The following ANKHD1 variants were observed in gnomAD, a reference collection of about 807,000 sequenced individuals.
The protein encoded by ANKHD1 is ankyrin repeat and KH domain-containing protein 1.
A neutral mutation model predicts 230.5 loss-of-function variants in ANKHD1; 31 were observed. The observed-to-expected ratio is 0.13, with a 90% CI of 0.10 to 0.18. The LOEUF (loss-of-function observed/expected upper bound fraction) is 0.18, where lower values mean the gene tolerates loss of function less well. ANKHD1 is among the 10% of genes least tolerant of loss of function. The pLI is 1.00. For missense variants in ANKHD1, 2,256 were observed against 3,071.3 expected (o/e 0.73, Z 6.27); for synonymous variants, 1,074 against 1,117.6 (o/e 0.96, Z 0.78).
chr5:140,413,883 T>G (rs6862439), intron 1 of ANKHD1, among the ~76,000 whole-genome samples: 8 of 152,100 alleles, frequency 5.3e-5, no homozygotes, highest in African/African-American at 1.4e-4. Flanking sequence ...TGGGTTCAAG[T>G]GATTCTCCTG....
intron 6 of ANKHD1, among the ~76,000 whole-genome samples, chr5:140,446,505 C>T (rs1040677991): frequency 1.3e-5 from 2 of 152,006 alleles, no homozygotes; most frequent in African/African-American, 4.8e-5. Context: ...GGACTACAGG[C>T]ATGCACCACC....
chr5:140,500,021 A>G (rs1160302196), intron 15 of ANKHD1, among the ~76,000 whole-genome samples: 1 of 152,034 alleles, frequency 6.6e-6, no homozygotes, highest in African/African-American at 2.4e-5. Flanking sequence ...GGCACCTGCC[A>G]CCACACCCAG....
intron 7 of ANKHD1, among the ~76,000 whole-genome samples, chr5:140,456,041 A>G (rs916124182): frequency 5.9e-5 from 9 of 152,226 alleles, no homozygotes; most frequent in South Asian, 2.1e-4. Flanking sequence ...TCAATGTGCA[A>G]AAATCACAAG....
chr5:140,476,813 C>G (rs976156773), intron 10 of ANKHD1, among the ~76,000 whole-genome samples: 1 of 151,940 alleles, frequency 6.6e-6, no homozygotes, highest in Non-Finnish European at 1.5e-5. Flanking sequence ...AGTTTAAAAA[C>G]CTAAATTTTA....
intron 9 of ANKHD1, 80 bp from the exon 10 acceptor site, chr5:140,464,587 G>A (rs1368804122): frequency 4.9e-6 from 6 of 1,229,296 alleles, no homozygotes; most frequent in Non-Finnish European, 6.5e-6. Context: ...GAATTCTTCA[G>A]TTTCACCAGA....
chr5:140,427,677 C>T (rs1260218058), intron 1 of ANKHD1, among the ~76,000 whole-genome samples: 4 of 144,992 alleles, frequency 2.8e-5, no homozygotes, highest in Admixed American at 6.8e-5. Flanking sequence ...CCGGACGGGG[C>T]GGCCGGCCAG....
rs548021547 is a variant in ANKHD1, at chr5:140,453,305, G to T, written c.1242+4000G>T. Among the ~76,000 whole-genome samples, 385 of 152,310 alleles carry T rather than the reference G, an allele frequency of 2.5e-3. 2 individuals are homozygous for T. Among genetic ancestry groups the T allele is most frequent in the Non-Finnish European group, 3.0e-3 (202 of 68,032 alleles). ...ATACACTCTGCAGGATGTTATCCAG[G>T]AGAACCTCCCCAACCTAGCAAGGCA... On this transcript the variant is annotated intron_variant, in intron 7 of 33. Coordinates refer to ENST00000360839, the MANE Select transcript of ANKHD1 (RefSeq NM_017747.3).
At chr5:140,532,205 T>TAAA (rs78497065) in intron 29 of ANKHD1, among the ~76,000 whole-genome samples, 2 of 126,652 alleles carry the variant, frequency 1.6e-5, no homozygotes, top group African/African-American at 2.9e-5. Context: ...GACTCTGTCT[T>TAAA]AAAAAAAAAA....
In ANKHD1 at chr5:140,442,507, C is replaced by T. The variant is rs369209227; in HGVS notation, c.913+1365C>T. The stretch of plus-strand genomic sequence containing the variant: ...ATAGGAGTGTGCAGCCTAAATCCCT[C>T]GCCCGTCATTTATTTGAACTGAGCA... On this transcript the variant is annotated intron_variant, in intron 5 of 33. Transcript: ENST00000360839. 7.9e-5 allele frequency among the ~76,000 whole-genome samples: 12 copies of T among 152,156 alleles called. No homozygotes were observed. The South Asian group carries it at 2.1e-3, about 26-fold the overall frequency.
chr5:140,529,246 A>T lies in ANKHD1; in HGVS notation c.6300A>T (p.Ser2100=). Residue 2100 remains serine (S), a synonymous_variant, in exon 29 of 34, where the codon TCA becomes TCT. Coordinates refer to ENST00000360839, the MANE Select transcript of ANKHD1 (RefSeq NM_017747.3). ...TGTCAATGCCTTTTGCATCTAACTC[A>T]GAACCTGCTCCATTGACTTTGACAT... ...SPMSMPFASN[S]EPAPLTLTSP... is the part of the protein sequence containing the mutation. The T allele has an allele frequency of 6.2e-7, 1 of 1,614,222 alleles. No individual in the cohort carries two copies. The highest frequency in any genetic ancestry group is 8.5e-7 in the Non-Finnish European group (1 of 1,180,032).
intron 29 of ANKHD1, among the ~76,000 whole-genome samples, chr5:140,532,387 G>A (rs971204539): frequency 1.3e-5 from 2 of 152,056 alleles, no homozygotes; most frequent in East Asian, 3.9e-4. Flanking sequence ...GGTTACCTAG[G>A]ATGAAGGGGT....
intron 25 of ANKHD1, 67 bp downstream of exon 25, chr5:140,524,307 T>C (rs1753501061): frequency 6.8e-7 from 1 of 1,477,630 alleles, no homozygotes; most frequent in African/African-American, 1.4e-5. Flanking sequence ...TTTTGAGTGC[T>C]CTTTGCTCTA....
Position 140,539,585 on chromosome 5 carries a change from G to A in ANKHD1, c.*167G>A. The A allele has an allele frequency of 1.3e-6, 1 of 749,458 alleles. No individual in the cohort carries two copies. The highest frequency in any genetic ancestry group is 2.1e-6 in the Non-Finnish European group (1 of 485,888). 46.4% of individuals were successfully genotyped at this position (749,458 alleles called of 1,614,324 possible). A position where few individuals can be genotyped will look rare whatever the true frequency, so the allele number is the denominator to read the frequency against. ...ATTGATTTCCTATCCACCTGATTAT[G>A]TTCTCTGGTTAGTTTAGCCATTTTG... On this transcript the variant is annotated 3_prime_UTR_variant, in exon 34 of 34. Coordinates refer to ENST00000360839, the MANE Select transcript of ANKHD1 (RefSeq NM_017747.3).
intron 5 of ANKHD1, among the ~76,000 whole-genome samples, chr5:140,445,014 C>G (rs1457303077): frequency 6.6e-6 from 1 of 151,798 alleles, no homozygotes; most frequent in Non-Finnish European, 1.5e-5. Flanking sequence ...GCCACCATTC[C>G]TGGCTCAGTT....
chr5:140,436,748 A>G (rs1773477970), intron 2 of ANKHD1, among the ~76,000 whole-genome samples: 1 of 151,618 alleles, frequency 6.6e-6, no homozygotes. Context: ...TCCGTCTGAA[A>G]AAAAAAAAAA....
At chr5:140,468,453 C>CATTA (rs1342932662) in intron 10 of ANKHD1, among the ~76,000 whole-genome samples, 3 of 151,958 alleles carry the variant, frequency 2.0e-5, no homozygotes, top group Admixed American at 2.0e-4. Flanking sequence ...GACATGGGTA[C>CATTA]ATTAGTACTC....
chr5:140,440,372 C>T (rs1166822854), intron 4 of ANKHD1, 106 bp downstream of exon 4: 5 of 1,407,694 alleles, frequency 3.6e-6, no homozygotes, highest in Non-Finnish European at 4.6e-6. Context: ...AGAGTCTTCT[C>T]TTCCCCCATC....
At chr5:140,482,090 T>C (rs1717583466) in intron 10 of ANKHD1, among the ~76,000 whole-genome samples, 1 of 152,088 alleles carries the variant, frequency 6.6e-6, no homozygotes, top group Non-Finnish European at 1.5e-5. Context: ...AAAAAAAAAC[T>C]ACCCATTGGT....
chr5:140,538,331 C>T (rs1364999970), intron 32 of ANKHD1, 70 bp downstream of exon 32: 1 of 1,558,134 alleles, frequency 6.4e-7, no homozygotes, highest in Admixed American at 1.9e-5. Flanking sequence ...TAAGGAATAC[C>T]TTGTATTGAA....
Sources: allele counts gnomAD v4.1 joint callset (sites outside exome capture counted in the v4.1 genomes callset), GRCh38; gene constraint gnomAD v4.1.1; transcripts MANE v1.5; gene names NCBI Gene and HGNC (gene_info 2026-07-23, HGNC 2026-07-21).